ELP4: variants seen among roughly 807,000 people sequenced by gnomAD.
ELP4 encodes the protein elongator complex protein 4.
Under a neutral mutation model 48.9 loss-of-function variants are expected in ELP4, and 51 were observed. The observed-to-expected ratio is 1.04, with a 90% confidence interval of 0.83 to 1.32. The LOEUF (loss-of-function observed/expected upper bound fraction) is 1.32. Among genes scored for constraint, ELP4 ranks in the 40% most tolerant of loss-of-function variants. ELP4 has a pLI of 0.00. For synonymous variants in ELP4, 210 were observed against 189.2 expected (o/e 1.11, Z -0.90); for missense variants, 519 against 514.6 (o/e 1.01, Z -0.08).
intron 9 of ELP4, among the ~76,000 whole-genome samples, chr11:31,672,023 G>A (rs934524125): frequency 2.0e-5 from 3 of 152,010 alleles, no homozygotes; most frequent in Middle Eastern, 3.4e-3. Context: ...GTTCATTTTT[G>A]TTTTTCTGGG....
chr11:31,723,404 A>G (rs1455803824), intron 9 of ELP4, among the ~76,000 whole-genome samples: 1 of 152,084 alleles, frequency 6.6e-6, no homozygotes, highest in African/African-American at 2.4e-5. Flanking sequence ...CACTTACAAA[A>G]CATAAATTCA....
chr11:31,645,282 T>C (rs6484521), intron 7 of ELP4, among the ~76,000 whole-genome samples: 96,269 of 151,538 alleles, frequency 0.64, 33,040 homozygotes, highest in Non-Finnish European at 0.76. Flanking sequence ...TAGTTTTCCC[T>C]TTCGAAGTGG....
intron 3 of ELP4, among the ~76,000 whole-genome samples, chr11:31,590,042 T>C (rs562084325): frequency 2.6e-5 from 4 of 152,316 alleles, no homozygotes; most frequent in Non-Finnish European, 5.9e-5. Flanking sequence ...CATTTTTTAC[T>C]AGCTCTGTGG....
intron 5 of ELP4, among the ~76,000 whole-genome samples, chr11:31,607,653 G>A (rs567476726): frequency 1.3e-5 from 2 of 152,318 alleles, no homozygotes; most frequent in African/African-American, 4.8e-5. Context: ...TGCACAGACT[G>A]ATCTGACGAT....
chr11:31,695,529 GC>G (rs1385620219), intron 9 of ELP4, among the ~76,000 whole-genome samples: 4 of 151,318 alleles, frequency 2.6e-5, no homozygotes, highest in African/African-American at 9.7e-5. Context: ...TGGTGTATAA[GC>G]TTTTTGATGT....
At chr11:31,762,264 T>C (rs1332844431) in intron 9 of ELP4, among the ~76,000 whole-genome samples, 1 of 152,200 alleles carries the variant, frequency 6.6e-6, no homozygotes, top group African/African-American at 2.4e-5. Context: ...TCACTGAGAT[T>C]GAGGCAAAGT....
At chr11:31,608,118 C>T (rs913446720) in intron 5 of ELP4, among the ~76,000 whole-genome samples, 2 of 151,596 alleles carry the variant, frequency 1.3e-5, no homozygotes, top group Admixed American at 1.3e-4. Context: ...GAACGGAGGG[C>T]CCCTTGGGAG....
intron 5 of ELP4, among the ~76,000 whole-genome samples, chr11:31,620,228 T>C (rs1412397115): frequency 1.3e-5 from 2 of 151,988 alleles, no homozygotes; most frequent in Non-Finnish European, 2.9e-5. Context: ...AAGTGTGGAA[T>C]AGACAGAGAG....
At chr11:31,727,662 G>A (rs1423653892) in intron 9 of ELP4, 1 of 152,082 alleles carries the variant, frequency 6.6e-6, no homozygotes, top group Non-Finnish European at 1.5e-5. Flanking sequence ...AGACTAGTAA[G>A]CTCTGATGGT....
At chr11:31,623,655 A>G (rs946700531) in intron 5 of ELP4, among the ~76,000 whole-genome samples, 4 of 150,588 alleles carry the variant, frequency 2.7e-5, no homozygotes, top group Non-Finnish European at 4.5e-5. Context: ...GACTTGTTTT[A>G]TGTCAGGGTT....
In ELP4 at chr11:31,510,012, G is replaced by T. The variant is rs1333376752; in HGVS notation, c.223+5G>T. 1.2e-6 allele frequency: 2 copies of T among 1,607,524 alleles called. No individual in the cohort carries two copies. Among genetic ancestry groups the T allele is most frequent in the Admixed American group, 1.7e-5 (1 of 59,972 alleles). On this transcript the variant is annotated splice_donor_5th_base_variant and intron_variant, in intron 1 of 9. Coordinates refer to ENST00000640961, the MANE Select transcript of ELP4 (RefSeq NM_019040.5). ...CAGCCCTAGACCAGCTCTTAGGTCG[G>T]TTCAGAGCGGAGATCTGGGCTCAGC...
At chr11:31,777,557 C>G (rs1486537104) in intron 9 of ELP4, among the ~76,000 whole-genome samples, 1 of 152,222 alleles carries the variant, frequency 6.6e-6, no homozygotes, top group African/African-American at 2.4e-5. Flanking sequence ...ATTTACTCCT[C>G]CTTCCATAGT....
chr11:31,675,339 A>G (rs1945899968), intron 9 of ELP4, among the ~76,000 whole-genome samples: 1 of 151,530 alleles, frequency 6.6e-6, no homozygotes, highest in Admixed American at 6.6e-5. Flanking sequence ...ATCTCAGCTC[A>G]CTGCAACCTC....
chr11:31,552,443 TG>T (rs1956868001), intron 3 of ELP4, among the ~76,000 whole-genome samples: 1 of 152,158 alleles, frequency 6.6e-6, no homozygotes, highest in Non-Finnish European at 1.5e-5. Context: ...TTTAGTCTAT[TG>T]GAGATCTCAA....
At chr11:31,665,914 C>T (rs1299187828) in intron 9 of ELP4, among the ~76,000 whole-genome samples, 1 of 151,008 alleles carries the variant, frequency 6.6e-6, no homozygotes, top group African/African-American at 2.4e-5. Flanking sequence ...CTAGGCCTCT[C>T]AAAGTGCTGG....
intron 2 of ELP4, among the ~76,000 whole-genome samples, chr11:31,530,569 G>C (rs1402118120): frequency 6.6e-6 from 1 of 152,014 alleles, no homozygotes; most frequent in Admixed American, 6.6e-5. Flanking sequence ...TTGGAGAGCA[G>C]TCTTGGTGGA....
chr11:31,789,533 A>T lies in ELP4; in HGVS notation c.*6009A>T, dbSNP rs1262902249. The T allele has an allele frequency of 6.7e-6, 4 of 598,852 alleles. No homozygotes were observed. The highest frequency in any genetic ancestry group is 1.2e-5 in the Non-Finnish European group (4 of 341,458). 37.1% of individuals were successfully genotyped at this position (598,852 alleles called of 1,614,324 possible). A position where few individuals can be genotyped will look rare whatever the true frequency, so the allele number is the denominator to read the frequency against. ...GAAGTATTCGATATATCTTGATAAA[A>T]CTCTTAAATTCGTGGCAAAGCTTGT... On this transcript the variant is annotated 3_prime_UTR_variant, in exon 10 of 10. Transcript: ENST00000640961.
chr11:31,646,937 T>C (rs1158207401), intron 7 of ELP4: 2 of 151,650 alleles, frequency 1.3e-5, no homozygotes. Flanking sequence ...AGATTCTTAG[T>C]ATTTTAGAAC....
At chr11:31,650,244 G>T in intron 9 of ELP4, 23 bp downstream of exon 9, 1 of 774,550 alleles carries the variant, frequency 1.3e-6, no homozygotes, top group South Asian at 1.8e-5. Flanking sequence ...TTATGTTTTA[G>T]TTTACAATCT....
Sources: allele counts gnomAD v4.1 joint callset (sites outside exome capture counted in the v4.1 genomes callset), GRCh38; gene constraint gnomAD v4.1.1; transcripts MANE v1.5; gene names NCBI Gene and HGNC (gene_info 2026-07-23, HGNC 2026-07-21).